AAK1: variants seen among roughly 807,000 people sequenced by gnomAD.
AAK1 encodes AP2-associated protein kinase 1.
In AAK1, 37 loss-of-function variants were observed where a neutral mutation model predicts 116.0. The ratio of observed to expected loss-of-function variants is 0.32; its 90% confidence interval spans 0.25 to 0.42. The LOEUF is 0.42. AAK1 is among the 10% of genes least tolerant of loss of function. The pLI is 1.00. For missense variants in AAK1, 919 were observed against 1,170.6 expected (o/e 0.79, Z 3.14); for synonymous variants, 458 against 439.9 (o/e 1.04, Z -0.51).
intron 17 of AAK1, among the ~76,000 whole-genome samples, chr2:69,490,121 C>T (rs976722407): frequency 3.3e-5 from 5 of 152,114 alleles, no homozygotes; most frequent in Non-Finnish European, 7.4e-5. Context: ...GATGGGGCAA[C>T]GAATGTCTTC....
At chr2:69,480,260 C>CAAA (rs761196037) in intron 19 of AAK1, among the ~76,000 whole-genome samples, 38 of 68,058 alleles carry the variant, frequency 5.6e-4, no homozygotes, top group African/African-American at 1.6e-3. Context: ...GAATTATGGA[C>CAAA]AAAAAAAAAA....
chr2:69,619,903 G>A (rs561236802), intron 2 of AAK1, among the ~76,000 whole-genome samples: 9 of 152,178 alleles, frequency 5.9e-5, no homozygotes, highest in African/African-American at 9.6e-5. Flanking sequence ...GAGAGGAAAC[G>A]GTGGGGCAGA....
intron 2 of AAK1, among the ~76,000 whole-genome samples, chr2:69,611,715 C>A (rs1019542445): frequency 1.3e-5 from 2 of 152,180 alleles, no homozygotes; most frequent in African/African-American, 4.8e-5. Context: ...AGCAACATTT[C>A]TCACAACAGC....
intron 21 of AAK1, 73 bp downstream of exon 21, chr2:69,476,807 G>T: frequency 9.9e-7 from 1 of 1,005,782 alleles, no homozygotes; most frequent in Non-Finnish European, 1.5e-6. Flanking sequence ...CTTCCCCCTT[G>T]CAGATTAGGT....
chr2:69,623,057 C>G (rs1308437565), intron 2 of AAK1, among the ~76,000 whole-genome samples: 1 of 152,102 alleles, frequency 6.6e-6, no homozygotes, highest in Admixed American at 6.5e-5. Flanking sequence ...AAGCTTTGTT[C>G]TTTCGCTCTT....
At chr2:69,576,685 G>A (rs1382098296) in intron 2 of AAK1, among the ~76,000 whole-genome samples, 1 of 152,140 alleles carries the variant, frequency 6.6e-6, no homozygotes, top group African/African-American at 2.4e-5. Context: ...GAATCAGAGT[G>A]AATGAAAATG....
chr2:69,601,041 TAACACTTAGTAGGCTTAA>T (rs1447007295), intron 2 of AAK1, among the ~76,000 whole-genome samples: 2 of 152,246 alleles, frequency 1.3e-5, no homozygotes, highest in African/African-American at 4.8e-5. Flanking sequence ...TTTTTAGACT[TAACACTTAGTAGGCTTAA>T]AACACTTAGT....
At chr2:69,574,800 T>C (rs1672235027) in intron 2 of AAK1, among the ~76,000 whole-genome samples, 1 of 151,600 alleles carries the variant, frequency 6.6e-6, no homozygotes, top group African/African-American at 2.4e-5. Flanking sequence ...CAAGACCTCA[T>C]CTCTACAAAA....
At chr2:69,500,441 C>T (rs1452844314) in intron 16 of AAK1, 1 of 151,820 alleles carries the variant, frequency 6.6e-6, no homozygotes, top group Non-Finnish European at 1.5e-5. Flanking sequence ...GTGGTTATAA[C>T]TACAGTTTTT....
At chr2:69,524,679 C>G (rs1669943686) in intron 10 of AAK1, among the ~76,000 whole-genome samples, 1 of 152,102 alleles carries the variant, frequency 6.6e-6, no homozygotes, top group South Asian at 2.1e-4. Flanking sequence ...GTGATCTACC[C>G]TCCTAGGCCT....
At chr2:69,489,072 C>CT (rs980860689) in intron 17 of AAK1, among the ~76,000 whole-genome samples, 5 of 151,246 alleles carry the variant, frequency 3.3e-5, no homozygotes, top group African/African-American at 1.2e-4. Context: ...TCTCAAACTC[C>CT]TGGCCTCAGG....
Position 69,620,539 on chromosome 2 carries a change from C to G in AAK1, c.163+22339G>C, listed in dbSNP as rs115481374. On this transcript the variant is annotated intron_variant, in intron 2 of 21. Coordinates refer to ENST00000409085, the MANE Select transcript of AAK1 (RefSeq NM_014911.5). ...AATCTATAATTCCGTTTCCATCACT[C>G]TTCTGAATGCTCTTGCAGAGGTCAA... 4.5e-3 allele frequency among the ~76,000 whole-genome samples: 689 copies of G among 152,336 alleles called. 2 individuals carry two copies. The highest frequency in any genetic ancestry group is 7.7e-3 in the Non-Finnish European group (523 of 68,018).
chr2:69,461,591 G>A lies in AAK1; in HGVS notation c.*14278C>T, dbSNP rs373577095. On this transcript the variant is annotated 3_prime_UTR_variant, in exon 22 of 22. Coordinates refer to ENST00000409085, the MANE Select transcript of AAK1 (RefSeq NM_014911.5). Reference sequence around the variant, plus strand: ...AGTCTCCACCCATCATGTCTCCAGTGACAATTTTTTTTTTTTTTTTGAGGC... The same window carrying A: ...AGTCTCCACCCATCATGTCTCCAGTAACAATTTTTTTTTTTTTTTTGAGGC... 33 of 429,692 alleles carry A rather than the reference G, an allele frequency of 7.7e-5. No homozygotes were observed. The highest frequency in any genetic ancestry group is 6.2e-4 in the African/African-American group (29 of 46,748). The allele number at this position is 429,692 out of a possible 1,614,324, so 26.6% of individuals were successfully genotyped here.
intron 3 of AAK1, among the ~76,000 whole-genome samples, chr2:69,546,451 A>G (rs998468400): frequency 1.3e-5 from 2 of 152,178 alleles, no homozygotes; most frequent in African/African-American, 4.8e-5. Context: ...TTCCATTTAC[A>G]CATTCCTGAA....
At chr2:69,501,179 C>T (rs1276996109) in intron 16 of AAK1, among the ~76,000 whole-genome samples, 1 of 152,136 alleles carries the variant, frequency 6.6e-6, no homozygotes, top group Non-Finnish European at 1.5e-5. Flanking sequence ...CTATGTGGCA[C>T]ATCAAACTTC....
In AAK1 at chr2:69,528,126, A is replaced by G. The variant is rs377496230; in HGVS notation, c.872-807T>C. On this transcript the variant is annotated intron_variant, in intron 8 of 21. Coordinates refer to ENST00000409085, the MANE Select transcript of AAK1 (RefSeq NM_014911.5). The stretch of plus-strand genomic sequence containing the variant: ...AAGCAAAGAAAAAGACATTCTAGTT[A>G]AGAGAACAGTCTGAGCAAAGAAGGA... 2.1e-3 allele frequency among the ~76,000 whole-genome samples: 315 copies of G among 152,334 alleles called. 1 individual carries two copies. Among genetic ancestry groups the G allele is most frequent in the African/African-American group, 7.4e-3 (308 of 41,576 alleles).
At position 69,643,269 on chromosome 2, in the gene AAK1, T is replaced by C; in HGVS notation, c.-229A>G. ...CCTCCAGAAAGCGATTCGTGTAAGT[T>C]TAAACCTGTGATGACAGAGGAAGAA... On this transcript the variant is annotated 5_prime_UTR_variant, in exon 2 of 22. Transcript: ENST00000409085. 1 of 1,402,372 alleles carries C rather than the reference T, an allele frequency of 7.1e-7. No individual in the cohort carries two copies. The highest frequency in any genetic ancestry group is 9.2e-7 in the Non-Finnish European group (1 of 1,086,814). The allele number at this position is 1,402,372 out of a possible 1,614,324, so 86.9% of individuals were successfully genotyped here.
At chr2:69,529,369 T>C (rs1458300812) in intron 8 of AAK1, among the ~76,000 whole-genome samples, 1 of 152,154 alleles carries the variant, frequency 6.6e-6, no homozygotes. Flanking sequence ...TCTTTAGCAT[T>C]TTAGTATAGG....
At position 69,473,953 on chromosome 2, in the gene AAK1, C is replaced by T; in HGVS notation, c.*1916G>A. The T allele has an allele frequency of 4.1e-6, 4 of 985,650 alleles. No homozygotes were observed. Among genetic ancestry groups the T allele is most frequent in the Non-Finnish European group, 4.8e-6 (4 of 829,904 alleles). 61.1% of individuals were successfully genotyped at this position (985,650 alleles called of 1,614,324 possible). ...CGTGGATATCTTTTGCTTTTTAATCCTCGGCAGGAAGCTTGTGCCTCTCTC... is the reference window on the plus strand; with the variant it reads ...CGTGGATATCTTTTGCTTTTTAATCTTCGGCAGGAAGCTTGTGCCTCTCTC... On this transcript the variant is annotated 3_prime_UTR_variant, in exon 22 of 22. Coordinates refer to ENST00000409085, the MANE Select transcript of AAK1 (RefSeq NM_014911.5).
Sources: gnomAD v4.1 joint callset for allele counts (sites outside exome capture counted in the v4.1 genomes callset) on GRCh38, gnomAD v4.1.1 for gene constraint, MANE v1.5 for transcripts, NCBI Gene and HGNC (gene_info 2026-07-23, HGNC 2026-07-21) for gene names.